The following KDM2A variants were observed in gnomAD, a reference collection of about 807,000 sequenced individuals.
The protein encoded by KDM2A is lysine-specific demethylase 2A.
Under a neutral mutation model 137.3 loss-of-function variants are expected in KDM2A, and 3 were observed. The observed-to-expected ratio is 0.02, with a 90% CI of 0.01 to 0.06. The LOEUF (loss-of-function observed/expected upper bound fraction) is 0.06. Among genes scored for constraint, KDM2A ranks in the 10% least tolerant of loss-of-function variants. KDM2A has a pLI of 1.00. For missense variants in KDM2A, 738 were observed against 1,510.6 expected (o/e 0.49, Z 8.48); for synonymous variants, 512 against 541.5 (o/e 0.95, Z 0.76).
At chr11:67,170,523 C>G (rs1050268325) in intron 2 of KDM2A, among the ~76,000 whole-genome samples, 1 of 151,182 alleles carries the variant, frequency 6.6e-6, no homozygotes. Flanking sequence ...CACCATTCTC[C>G]TGCCTGAGCC....
chr11:67,215,184 TCCTA>T (rs1249684859), intron 6 of KDM2A, among the ~76,000 whole-genome samples, 152 bp from the exon 7 acceptor site: 1 of 152,232 alleles, frequency 6.6e-6, no homozygotes, highest in East Asian at 1.9e-4. Context: ...TGCCTAGTAA[TCCTA>T]AGATTCGCCA....
intron 15 of KDM2A, among the ~76,000 whole-genome samples, chr11:67,246,833 A>G (rs1259233796): frequency 6.6e-6 from 1 of 151,540 alleles, no homozygotes; most frequent in African/African-American, 2.4e-5. Flanking sequence ...CCTTTTATAG[A>G]TTTTTGGTTT....
rs180728786 is a variant in KDM2A, at chr11:67,166,208, A to G, written c.43-13871A>G. On this transcript the variant is annotated intron_variant, in intron 2 of 20. Transcript: ENST00000529006. ...CTCTTTTTTTTTTTTTTTTTTTGAG[A>G]CAGTCTCACTCTATCGCCTAGGCTG... Among the ~76,000 whole-genome samples, 4 of 142,604 alleles carry G rather than the reference A, an allele frequency of 2.8e-5. No homozygotes were observed. The Admixed American group carries it at 2.9e-4, about 10-fold the overall frequency. 93.6% of individuals were successfully genotyped at this position (142,604 alleles called of 152,430 possible).
chr11:67,226,550 G>A (rs993126214), intron 10 of KDM2A, among the ~76,000 whole-genome samples: 60 of 152,060 alleles, frequency 3.9e-4, no homozygotes, highest in African/African-American at 1.4e-3. Flanking sequence ...GTGAAACCCC[G>A]TCTCTACTAA....
At chr11:67,147,142 T>C (rs922270646) in intron 2 of KDM2A, among the ~76,000 whole-genome samples, 9 of 152,102 alleles carry the variant, frequency 5.9e-5, no homozygotes, top group African/African-American at 1.9e-4. Flanking sequence ...AAATGAACAC[T>C]GTTGTTGACA....
chr11:67,236,140 T>A (rs1431142818), intron 12 of KDM2A, among the ~76,000 whole-genome samples: 1 of 152,084 alleles, frequency 6.6e-6, no homozygotes, highest in Non-Finnish European at 1.5e-5. Context: ...TGTGGTTTTT[T>A]TGTTTTTTGA....
chr11:67,239,036 T>C (rs1228913654), intron 12 of KDM2A, among the ~76,000 whole-genome samples: 2 of 152,186 alleles, frequency 1.3e-5, no homozygotes, highest in Non-Finnish European at 2.9e-5. Context: ...TACTTGTCAG[T>C]CCGAGTGGCT....
intron 6 of KDM2A, among the ~76,000 whole-genome samples, chr11:67,210,486 A>G (rs928782697): frequency 3.3e-5 from 5 of 152,266 alleles, no homozygotes; most frequent in Non-Finnish European, 7.4e-5. Context: ...TTTTTGTGGC[A>G]TCCTGAATTT....
intron 5 of KDM2A, among the ~76,000 whole-genome samples, chr11:67,187,458 A>G (rs1857235178): frequency 6.6e-6 from 1 of 152,196 alleles, no homozygotes; most frequent in African/African-American, 2.4e-5. Context: ...AAGGATGGAA[A>G]AAGCTATTCC....
At chr11:67,217,996 C>A in intron 9 of KDM2A, 112 bp downstream of exon 9, 1 of 949,048 alleles carries the variant, frequency 1.1e-6, no homozygotes, top group Non-Finnish European at 1.5e-6. Context: ...CAGAAAACAA[C>A]AGTGTTTCTT....
chr11:67,150,717 A>T (rs1474510642), intron 2 of KDM2A, among the ~76,000 whole-genome samples: 1 of 152,118 alleles, frequency 6.6e-6, no homozygotes, highest in East Asian at 1.9e-4. Flanking sequence ...AAACTGTGGG[A>T]GAGAGGGTCA....
At chr11:67,179,957 G>A (rs1376375783) in intron 2 of KDM2A, 122 bp from the exon 3 acceptor site, 4 of 916,410 alleles carry the variant, frequency 4.4e-6, no homozygotes, top group Non-Finnish European at 6.5e-6. Context: ...AGATCCATAA[G>A]GCAAGGAAAA....
chr11:67,130,616 A>G (rs925655414), intron 2 of KDM2A, among the ~76,000 whole-genome samples: 1 of 152,214 alleles, frequency 6.6e-6, no homozygotes, highest in African/African-American at 2.4e-5. Flanking sequence ...AGATAGACAT[A>G]CATTCTTTGT....
intron 6 of KDM2A, among the ~76,000 whole-genome samples, chr11:67,215,043 A>T (rs1019499193): frequency 1.1e-4 from 16 of 152,208 alleles, no homozygotes; most frequent in Non-Finnish European, 2.4e-4. Context: ...AAGTATTGAC[A>T]TAGAAGAGAG....
intron 3 of KDM2A, among the ~76,000 whole-genome samples, chr11:67,180,815 G>A (rs1296237252): frequency 1.3e-5 from 2 of 151,668 alleles, no homozygotes; most frequent in East Asian, 1.9e-4. Context: ...ACCACACCCG[G>A]CTAATTTTTT....
chr11:67,182,336 A>C (rs1253951965), intron 5 of KDM2A, among the ~76,000 whole-genome samples: 1 of 152,190 alleles, frequency 6.6e-6, no homozygotes, highest in Non-Finnish European at 1.5e-5. Flanking sequence ...AGATACATTA[A>C]AATTGAGTCT....
At chr11:67,120,238 CA>C (rs1855567647) in intron 1 of KDM2A, among the ~76,000 whole-genome samples, 189 bp downstream of exon 1, 1 of 152,232 alleles carries the variant, frequency 6.6e-6, no homozygotes, top group Admixed American at 6.5e-5. Context: ...GGTCGTCGCC[CA>C]GGGGGTGCAA....
chr11:67,166,817 CTG>C (rs1232410815), intron 2 of KDM2A, among the ~76,000 whole-genome samples: 1 of 152,184 alleles, frequency 6.6e-6, no homozygotes, highest in African/African-American at 2.4e-5. Flanking sequence ...TGGGTCATGT[CTG>C]TAACTCCAGC....
chr11:67,149,202 C>T (rs993404041), intron 2 of KDM2A: 2 of 152,052 alleles, frequency 1.3e-5, no homozygotes, highest in African/African-American at 4.8e-5. Flanking sequence ...AGGGCTATAA[C>T]CTGGTTTTGG....
Sources: gnomAD v4.1 joint callset for allele counts (sites outside exome capture counted in the v4.1 genomes callset) on GRCh38, gnomAD v4.1.1 for gene constraint, MANE v1.5 for transcripts, NCBI Gene and HGNC (gene_info 2026-07-23, HGNC 2026-07-21) for gene names.